TRPM3: variants seen among roughly 807,000 people sequenced by gnomAD.
TRPM3 encodes the protein transient receptor potential cation channel subfamily M member 3.
TRPM3 carries 77 observed loss-of-function variants against 181.2 expected under a neutral mutation model. The observed-to-expected ratio is 0.42, with a 90% CI of 0.35 to 0.51. The LOEUF (loss-of-function observed/expected upper bound fraction) is 0.51, where lower values mean the gene tolerates loss of function less well. Ranked by LOEUF, TRPM3 falls within the 20% of genes least tolerant of loss-of-function variation. The pLI is 0.01. For synonymous variants in TRPM3, 745 were observed against 796.4 expected (o/e 0.94, Z 1.09); for missense variants, 1,759 against 2,196.7 (o/e 0.80, Z 3.98).
chr9:70,572,796 T>C (rs966062375), intron 22 of TRPM3, among the ~76,000 whole-genome samples: 7 of 152,204 alleles, frequency 4.6e-5, no homozygotes, highest in African/African-American at 1.7e-4. Flanking sequence ...CAAAATACAT[T>C]TTTTAAACAT....
intron 9 of TRPM3, among the ~76,000 whole-genome samples, chr9:70,661,366 T>C (rs2061113285): frequency 6.6e-6 from 1 of 152,132 alleles, no homozygotes; most frequent in African/African-American, 2.4e-5. Context: ...GCATTCTCCC[T>C]GAGAACAGGA....
intron 1 of TRPM3, among the ~76,000 whole-genome samples, chr9:71,003,122 A>G (rs1249134788): frequency 3.3e-5 from 5 of 151,550 alleles, no homozygotes; most frequent in Non-Finnish European, 7.4e-5. Flanking sequence ...AGTTTTGTAC[A>G]ATCTTACTTG....
intron 1 of TRPM3, among the ~76,000 whole-genome samples, chr9:71,233,216 C>A (rs1444103826): frequency 6.6e-6 from 1 of 152,170 alleles, no homozygotes; most frequent in Non-Finnish European, 1.5e-5. Context: ...TCAAATGAAT[C>A]ATTTTCCCTC....
chr9:70,804,754 C>T (rs564180089), intron 6 of TRPM3, among the ~76,000 whole-genome samples: 3 of 152,152 alleles, frequency 2.0e-5, no homozygotes, highest in South Asian at 4.2e-4. Flanking sequence ...TTTGAAATTT[C>T]GGCTCCTACT....
intron 1 of TRPM3, among the ~76,000 whole-genome samples, chr9:71,056,626 T>C (rs894940325): frequency 2.0e-5 from 3 of 152,002 alleles, no homozygotes; most frequent in African/African-American, 7.2e-5. Context: ...GTGTGAGCCC[T>C]AAACCAATAT....
chr9:70,621,896 C>T (rs1437572747), intron 14 of TRPM3, among the ~76,000 whole-genome samples: 1 of 152,146 alleles, frequency 6.6e-6, no homozygotes, highest in African/African-American at 2.4e-5. Context: ...CTTTTGTGAA[C>T]CAAGATTTCT....
chr9:70,928,673 G>A (rs530186221), intron 1 of TRPM3, among the ~76,000 whole-genome samples: 19 of 152,272 alleles, frequency 1.2e-4, no homozygotes, highest in Middle Eastern at 3.4e-3. Flanking sequence ...TGACCAACCT[G>A]AGCCACTGAT....
At chr9:70,788,326 T>G (rs1336628164) in intron 6 of TRPM3, among the ~76,000 whole-genome samples, 1 of 151,964 alleles carries the variant, frequency 6.6e-6, no homozygotes, top group Non-Finnish European at 1.5e-5. Flanking sequence ...CCACCCTAAA[T>G]TAAGCACATT....
chr9:71,022,472 A>G (rs887049993), intron 1 of TRPM3, among the ~76,000 whole-genome samples: 2 of 152,204 alleles, frequency 1.3e-5, no homozygotes, highest in Non-Finnish European at 1.5e-5. Context: ...AGGTGGAAGG[A>G]TAACTTGAGG....
chr9:71,139,386 A>C (rs939137705), intron 1 of TRPM3, among the ~76,000 whole-genome samples: 4 of 152,184 alleles, frequency 2.6e-5, no homozygotes, highest in African/African-American at 4.8e-5. Context: ...TTAAAACAAA[A>C]ATTTCCACTC....
chr9:70,841,858 A>G, intron 5 of TRPM3, among the ~76,000 whole-genome samples: 1 of 151,676 alleles, frequency 6.6e-6, no homozygotes, highest in East Asian at 1.9e-4. Flanking sequence ...GCATGTTCTC[A>G]CTTGTAAGTG....
intron 1 of TRPM3, among the ~76,000 whole-genome samples, chr9:70,900,221 C>A (rs1040477842): frequency 1.3e-5 from 2 of 151,924 alleles, no homozygotes; most frequent in Non-Finnish European, 2.9e-5. Flanking sequence ...AGACTTATTA[C>A]ACTCAGCTAC....
chr9:71,123,363 C>G (rs1362975370), upstream of TRPM3, among the ~76,000 whole-genome samples: 1 of 152,158 alleles, frequency 6.6e-6, no homozygotes, highest in African/African-American at 2.4e-5. Context: ...TGAAGCTAGT[C>G]TTGGGAGATT....
chr9:71,259,908 G>C (rs994027363), intron 1 of TRPM3, among the ~76,000 whole-genome samples: 13 of 151,974 alleles, frequency 8.6e-5, no homozygotes, highest in Admixed American at 8.5e-4. Flanking sequence ...TACAATTTTG[G>C]CTTTTTTTGC....
At chr9:71,379,945 T>G (rs2092759415) in intron 1 of TRPM3, among the ~76,000 whole-genome samples, 1 of 152,078 alleles carries the variant, frequency 6.6e-6, no homozygotes, top group African/African-American at 2.4e-5. Flanking sequence ...GTTCTTGTTC[T>G]TAACCACTAT....
At chr9:70,635,962 CA>C (rs1411708373) in intron 11 of TRPM3, among the ~76,000 whole-genome samples, 1 of 152,122 alleles carries the variant, frequency 6.6e-6, no homozygotes, top group African/African-American at 2.4e-5. Context: ...CCATTGACCG[CA>C]CTGGAAATAC....
At chr9:70,689,351 T>C (rs2067850221) in intron 8 of TRPM3, among the ~76,000 whole-genome samples, 1 of 152,190 alleles carries the variant, frequency 6.6e-6, no homozygotes, top group African/African-American at 2.4e-5. Context: ...TTATAACATA[T>C]ATAAGTAAAA....
rs772142016 is a variant in TRPM3, at chr9:70,843,139, A to AT, written c.677-13_677-12insA. On this transcript the variant is annotated splice_polypyrimidine_tract_variant and intron_variant, in intron 4 of 25. Coordinates refer to ENST00000677713, the MANE Select transcript of TRPM3 (RefSeq NM_001366145.2). ...ATGACGAATAACACCTAAAAAAAAA[A>AT]GAGAAGCATTGATTTTTTCTTTTAA... 25 of 1,594,520 alleles carry AT rather than the reference A, an allele frequency of 1.6e-5. No homozygotes were observed. Among genetic ancestry groups the AT allele is most frequent in the Non-Finnish European group, 2.0e-5 (24 of 1,174,880 alleles).
At chr9:70,998,174 CAT>C (rs1018302549) in intron 1 of TRPM3, among the ~76,000 whole-genome samples, 25 of 142,978 alleles carry the variant, frequency 1.7e-4, no homozygotes, top group East Asian at 8.1e-4. Context: ...CATATATACA[CAT>C]ATATATACAT....
Sources: gnomAD v4.1 joint callset for allele counts (sites outside exome capture counted in the v4.1 genomes callset) on GRCh38, gnomAD v4.1.1 for gene constraint, MANE v1.5 for transcripts, NCBI Gene and HGNC (gene_info 2026-07-23, HGNC 2026-07-21) for gene names.